DPYD: variants seen among roughly 807,000 people sequenced by gnomAD.
DPYD encodes the protein dihydropyrimidine dehydrogenase [NADP(+)].
DPYD carries 109 observed loss-of-function variants against 116.2 expected under a neutral mutation model. The observed-to-expected ratio is 0.94, with a 90% CI of 0.80 to 1.10. The LOEUF (loss-of-function observed/expected upper bound fraction) is 1.10, where lower values mean the gene tolerates loss of function less well. Ranked by LOEUF, DPYD falls within the 50% of genes least tolerant of loss-of-function variation. The pLI is 0.00. For synonymous variants in DPYD, 440 were observed against 432.0 expected, an observed-to-expected ratio of 1.02 and a Z score of -0.23; for missense variants, 1,302 against 1,254.5, an observed-to-expected ratio of 1.04 and a Z score of -0.57.
At chr1:97,408,668 T>A (rs75672165) in intron 14 of DPYD, among the ~76,000 whole-genome samples, 15,966 of 152,102 alleles carry the variant, frequency 0.1, 1,072 homozygotes, top group South Asian at 0.26. Context: ...CCTAATTGTG[T>A]CTGTGAGGAT....
intron 11 of DPYD, among the ~76,000 whole-genome samples, chr1:97,562,613 A>G (rs1193431495): frequency 6.6e-6 from 1 of 152,196 alleles, no homozygotes; most frequent in Non-Finnish European, 1.5e-5. Flanking sequence ...CTCCTCCAAC[A>G]ATGGCAGTAT....
At chr1:97,703,851 GACT>G (rs570573778) in intron 5 of DPYD, among the ~76,000 whole-genome samples, 321 of 152,040 alleles carry the variant, frequency 2.1e-3, no homozygotes, top group African/African-American at 7.0e-3. Flanking sequence ...TGATTTTTAT[GACT>G]ACATGTTCAT....
intron 5 of DPYD, among the ~76,000 whole-genome samples, chr1:97,712,685 T>C (rs1662360325): frequency 6.6e-6 from 1 of 151,944 alleles, no homozygotes; most frequent in African/African-American, 2.4e-5. Flanking sequence ...AATACTCCTA[T>C]CCCTCTCTCC....
chr1:97,466,847 C>T (rs937564783), intron 13 of DPYD, among the ~76,000 whole-genome samples: 5 of 151,980 alleles, frequency 3.3e-5, no homozygotes, highest in African/African-American at 1.2e-4. Context: ...AAAAGTTTTT[C>T]ATATATTACC....
chr1:97,107,720 G>C (rs922340733), intron 20 of DPYD, among the ~76,000 whole-genome samples: 2 of 152,060 alleles, frequency 1.3e-5, no homozygotes, highest in Admixed American at 6.6e-5. Flanking sequence ...TAAGTAACTT[G>C]CTACAATTAA....
chr1:97,322,969 C>A (rs141421067), intron 16 of DPYD: 4 of 151,770 alleles, frequency 2.6e-5, no homozygotes, highest in Non-Finnish European at 5.9e-5. Flanking sequence ...GCTCTTATTT[C>A]TCAGCATCTC....
chr1:97,323,004 C>T (rs1053893207), intron 16 of DPYD: 10 of 151,638 alleles, frequency 6.6e-5, no homozygotes, highest in Non-Finnish European at 1.3e-4. Flanking sequence ...CTTCTACTCA[C>T]TTTCTCCTTT....
At chr1:97,224,997 C>A (rs888275086) in intron 19 of DPYD, among the ~76,000 whole-genome samples, 1 of 122,722 alleles carries the variant, frequency 8.1e-6, no homozygotes, top group African/African-American at 3.6e-5. Flanking sequence ...AACTATCTGT[C>A]TGTCTGTCTA....
chr1:97,378,172 C>T (rs997687714), intron 15 of DPYD, among the ~76,000 whole-genome samples: 1 of 152,174 alleles, frequency 6.6e-6, no homozygotes, highest in African/African-American at 2.4e-5. Context: ...TTGGCTTGGG[C>T]CCCACTGGAT....
chr1:97,504,874 C>A (rs1647203947), intron 13 of DPYD, among the ~76,000 whole-genome samples: 1 of 134,188 alleles, frequency 7.5e-6, no homozygotes, highest in Admixed American at 8.7e-5. Context: ...CAAAGGCTTC[C>A]ATTCAGGAAA....
At chr1:97,646,318 TA>T (rs1434441607) in intron 8 of DPYD, among the ~76,000 whole-genome samples, 11 of 151,310 alleles carry the variant, frequency 7.3e-5, no homozygotes, top group African/African-American at 2.5e-4. Flanking sequence ...ATCTTCTTTT[TA>T]TTTTTTTTTT....
intron 11 of DPYD, among the ~76,000 whole-genome samples, chr1:97,560,304 G>A (rs1389698060): frequency 6.6e-6 from 1 of 152,004 alleles, no homozygotes; most frequent in African/African-American, 2.4e-5. Flanking sequence ...CAAGTAAAGA[G>A]GTAAATTCAA....
intron 7 of DPYD, among the ~76,000 whole-genome samples, chr1:97,680,051 A>T (rs1445018692): frequency 6.6e-6 from 1 of 152,168 alleles, no homozygotes; most frequent in Non-Finnish European, 1.5e-5. Context: ...GAGGTAAAAA[A>T]TGGAGCCTGA....
intron 13 of DPYD, among the ~76,000 whole-genome samples, chr1:97,489,188 A>G (rs1319052133): frequency 1.3e-5 from 2 of 152,326 alleles, no homozygotes; most frequent in East Asian, 3.9e-4. Context: ...AGGAGTAATC[A>G]TTGTGAGGAA....
At chr1:97,540,282 C>T (rs986299829) in intron 12 of DPYD, among the ~76,000 whole-genome samples, 5 of 122,402 alleles carry the variant, frequency 4.1e-5, no homozygotes, top group East Asian at 2.4e-4. Context: ...ACCCCTTCTT[C>T]GGGTTAGATT....
intron 19 of DPYD, among the ~76,000 whole-genome samples, chr1:97,198,345 C>G (rs1011348218): frequency 6.6e-6 from 1 of 152,156 alleles, no homozygotes; most frequent in Non-Finnish European, 1.5e-5. Context: ...ATTATATCAA[C>G]ATTTTCCTAG....
intron 12 of DPYD, among the ~76,000 whole-genome samples, chr1:97,534,876 A>T (rs1649880814): frequency 6.6e-6 from 1 of 151,994 alleles, no homozygotes; most frequent in African/African-American, 2.4e-5. Context: ...TAGATTTTTA[A>T]TTTTTTATAT....
chr1:97,452,313 A>T (rs1676461655), intron 13 of DPYD, among the ~76,000 whole-genome samples: 1 of 152,156 alleles, frequency 6.6e-6, no homozygotes, highest in South Asian at 2.1e-4. Flanking sequence ...CCACTACAGC[A>T]TAAGACTTGT....
At chr1:97,326,916 A>T (rs1165651704) in intron 16 of DPYD, among the ~76,000 whole-genome samples, 1 of 152,042 alleles carries the variant, frequency 6.6e-6, no homozygotes. Flanking sequence ...AACTAATGAC[A>T]TGATGAAAGA....
Sources: allele counts gnomAD v4.1 joint callset (sites outside exome capture counted in the v4.1 genomes callset), GRCh38; gene constraint gnomAD v4.1.1; transcripts MANE v1.5; gene names NCBI Gene and HGNC (gene_info 2026-07-23, HGNC 2026-07-21).